The following FLT4 variants were observed in gnomAD, a reference collection of about 807,000 sequenced individuals.
FLT4 encodes fms related receptor tyrosine kinase 4.
A neutral mutation model predicts 163.2 loss-of-function variants in FLT4; 30 were observed. That is an observed-to-expected ratio of 0.18 (90% CI 0.14 to 0.25). The LOEUF is 0.25. Ranked by LOEUF, FLT4 falls within the 10% of genes least tolerant of loss-of-function variation. FLT4 has a pLI of 1.00. For missense variants in FLT4, 1,510 were observed against 1,863.8 expected (o/e 0.81, Z 3.50); for synonymous variants, 884 against 789.5 (o/e 1.12, Z -2.01).
chr5:180,619,428 C>G (rs145030325), intron 18 of FLT4, 62 bp from the exon 19 acceptor site: 85 of 1,090,614 alleles, frequency 7.8e-5, no homozygotes, highest in Non-Finnish European at 9.8e-5. Flanking sequence ...CCCCGCCACC[C>G]GGCGCTTTTG....
In FLT4 at chr5:180,612,548, C is replaced by T. The variant is rs1289572848; in HGVS notation, c.3495G>A (p.Leu1165=). ...DPKARPAFSE[L]VEILGDLLQG... Reference sequence around the variant, plus strand: ...GGAGCAGGTCCCCCAGGATCTCCACCAGCTCCGAGAATGCAGGTCTCGCCT... The same window carrying T: ...GGAGCAGGTCCCCCAGGATCTCCACTAGCTCCGAGAATGCAGGTCTCGCCT... Residue 1165 remains leucine, a synonymous_variant, in exon 26 of 30, where the codon CTG becomes CTA. Transcript: ENST00000261937. The T allele has an allele frequency of 8.7e-6, 14 of 1,614,112 alleles. No homozygotes were observed. Among genetic ancestry groups the T allele is most frequent in the Non-Finnish European group, 1.2e-5 (14 of 1,179,962 alleles).
intron 1 of FLT4, among the ~76,000 whole-genome samples, chr5:180,641,194 T>G (rs1765071905): frequency 6.6e-6 from 1 of 152,168 alleles, no homozygotes; most frequent in South Asian, 2.1e-4. Context: ...CAGCTGAGCA[T>G]GTCATCCCCA....
intron 1 of FLT4, 121 bp downstream of exon 1, chr5:180,649,367 C>G: frequency 2.9e-6 from 2 of 684,524 alleles, no homozygotes; most frequent in South Asian, 5.3e-5. Context: ...GTCCGCGCAC[C>G]AGGGCCACCG....
At chr5:180,648,546 G>C (rs927823633) in intron 1 of FLT4, among the ~76,000 whole-genome samples, 1 of 152,154 alleles carries the variant, frequency 6.6e-6, no homozygotes, top group Non-Finnish European at 1.5e-5. Flanking sequence ...TGGAACCCCT[G>C]ACCCCGCCCT....
intron 24 of FLT4, 124 bp from the exon 25 acceptor site, chr5:180,613,234 G>C: frequency 1.5e-6 from 1 of 661,982 alleles, no homozygotes; most frequent in South Asian, 1.9e-5. Flanking sequence ...CCCCATCCGT[G>C]GTGGGGTGGA....
At chr5:180,621,983 C>T in intron 12 of FLT4, 79 bp from the exon 13 acceptor site, 1 of 1,493,858 alleles carries the variant, frequency 6.7e-7, no homozygotes, top group Non-Finnish European at 8.9e-7. Context: ...GGGGTCTCCT[C>T]CTGCCTCCCT....
rs538593104 is a variant in FLT4 at position 180,612,306 on chromosome 5, A to T, written c.3537+200T>A. 3.8e-5 allele frequency: 23 copies of T among 602,992 alleles called. 2 individuals carry two copies. In the South Asian group the frequency reaches 4.4e-4, roughly 12 times the overall value. 37.4% of individuals were successfully genotyped at this position (602,992 alleles called of 1,614,324 possible). On this transcript the variant is annotated intron_variant, in intron 26 of 29. Transcript: ENST00000261937. Reference sequence around the variant, plus strand: ...ACACAGCACCTGGAGCAGGCAGTGGAGCTGTGCAGCGGGTGTGTACTCAAC... The same window carrying T: ...ACACAGCACCTGGAGCAGGCAGTGGTGCTGTGCAGCGGGTGTGTACTCAAC...
intron 1 of FLT4, among the ~76,000 whole-genome samples, chr5:180,632,644 G>A (rs900017639): frequency 4.6e-5 from 7 of 151,706 alleles, no homozygotes; most frequent in African/African-American, 7.3e-5. Flanking sequence ...GTGCACACGC[G>A]TGCCTCCATG....
At chr5:180,644,033 G>C (rs1301637453) in intron 1 of FLT4, among the ~76,000 whole-genome samples, 6 of 152,136 alleles carry the variant, frequency 3.9e-5, no homozygotes, top group African/African-American at 1.2e-4. Flanking sequence ...TGTTGGCCAG[G>C]CTCTCAAACT....
chr5:180,619,839 GA>G, intron 17 of FLT4, 70 bp from the exon 18 acceptor site: 2 of 1,186,576 alleles, frequency 1.7e-6, no homozygotes, highest in Non-Finnish European at 2.5e-6. Flanking sequence ...GGCGGCGGGG[GA>G]GCCCCGTGCA....
rs146602929 is a variant in FLT4 at position 180,621,003 on chromosome 5, G to A, written c.2172C>T (p.Val724=). 2.5e-6 allele frequency: 4 copies of A among 1,611,214 alleles called. No individual in the cohort carries two copies. Among genetic ancestry groups the A allele is most frequent in the South Asian group, 1.1e-5 (1 of 91,024 alleles). Residue 724 remains valine, a synonymous_variant, in exon 15 of 30, where the codon GTC becomes GTT. Coordinates refer to ENST00000261937, the MANE Select transcript of FLT4 (RefSeq NM_182925.5). ...GCTTCTGGTTGGAGTCCGCCAAGTC[G>A]ACTCCTGCAGGGGGTGGGGTGGAGG... ...DERLLEEKSG[V]DLADSNQKLS...
At chr5:180,610,539 G>A (rs1762097005) in intron 27 of FLT4, among the ~76,000 whole-genome samples, 1 of 152,334 alleles carries the variant, frequency 6.6e-6, no homozygotes, top group African/African-American at 2.4e-5. Context: ...TGTGAATGGG[G>A]CCAGCACAGC....
chr5:180,643,360 T>C (rs1765267597), intron 1 of FLT4, among the ~76,000 whole-genome samples: 2 of 152,128 alleles, frequency 1.3e-5, no homozygotes, highest in South Asian at 4.1e-4. Flanking sequence ...CCCCCACCTC[T>C]CCTCACCATC....
At position 180,642,013 on chromosome 5, in the gene FLT4, C is replaced by T. The variant is rs1430786887; in HGVS notation, c.58+7475G>A. Among the ~76,000 whole-genome samples, 4 of 152,096 alleles carry T rather than the reference C, an allele frequency of 2.6e-5. No homozygotes were observed. The East Asian group carries it at 7.7e-4, about 29-fold the overall frequency. On this transcript the variant is annotated intron_variant, in intron 1 of 29. Coordinates refer to ENST00000261937, the MANE Select transcript of FLT4 (RefSeq NM_182925.5). The stretch of plus-strand genomic sequence containing the variant: ...CAGGAGGTCAAGAGATTGAGACCAT[C>T]CTGGCCAACATGGTGAAACCCCATC...
At position 180,649,550 on chromosome 5, in the gene FLT4, G is replaced by T; in HGVS notation, c.-5C>A. ...CAGCGCGGCGCCCCGCTGCATCTCC[G>T]GCCGCTGCGCGTGGGTCCGACCCGA... On this transcript the variant is annotated 5_prime_UTR_variant, in exon 1 of 30. Coordinates refer to ENST00000261937, the MANE Select transcript of FLT4 (RefSeq NM_182925.5). The T allele has an allele frequency of 7.0e-7, 1 of 1,431,160 alleles. No individual in the cohort carries two copies. The highest frequency in any genetic ancestry group is 9.2e-7 in the Non-Finnish European group (1 of 1,090,958). 88.7% of individuals were successfully genotyped at this position (1,431,160 alleles called of 1,614,324 possible). A position where few individuals can be genotyped will look rare whatever the true frequency, so the allele number is the denominator to read the frequency against.
intron 26 of FLT4, 167 bp downstream of exon 26, chr5:180,612,339 T>C (rs1762276166): frequency 4.6e-6 from 3 of 653,028 alleles, no homozygotes; most frequent in Non-Finnish European, 8.3e-6. Context: ...AACAGAAAGA[T>C]GCAAGGGTGT....
chr5:180,614,766 GTT>G (rs1342596497), intron 23 of FLT4, among the ~76,000 whole-genome samples: 1 of 152,134 alleles, frequency 6.6e-6, no homozygotes, highest in Non-Finnish European at 1.5e-5. Flanking sequence ...CATAAGGGAG[GTT>G]TTTGTAACTG....
Position 180,618,900 on chromosome 5 carries a change from G to A in FLT4, c.2871C>T (p.Arg957=). ...GCTCCACCATGGCGCGGAAGCGTCCGCGCTGCTCGGGAGACTTCTCCTGCG... is the reference window on the plus strand; with the variant it reads ...GCTCCACCATGGCGCGGAAGCGTCCACGCTGCTCGGGAGACTTCTCCTGCG... The part of the protein sequence containing the change: ...SPCAEKSPEQ[R]GRFRAMVELA... Residue 957 remains arginine (R), a synonymous_variant, in exon 21 of 30, where the codon CGC becomes CGT. Coordinates refer to ENST00000261937, the MANE Select transcript of FLT4 (RefSeq NM_182925.5). 2.5e-6 allele frequency: 4 copies of A among 1,586,362 alleles called. No individual in the cohort carries two copies. Among genetic ancestry groups the A allele is most frequent in the East Asian group, 2.3e-5 (1 of 43,648 alleles).
Position 180,619,234 on chromosome 5 carries a change from C to A in FLT4, c.2761+19G>T. On this transcript the variant is annotated intron_variant, in intron 19 of 29. Coordinates refer to ENST00000261937, the MANE Select transcript of FLT4 (RefSeq NM_182925.5). ...CGCGCCCGGGGTCTCGCCGTCCCAG[C>A]GGGCCGCCCGCTCCGTACCCTGCGG... 6.4e-7 allele frequency: 1 copy of A among 1,570,006 alleles called. No individual in the cohort carries two copies. The highest frequency in any genetic ancestry group is 8.6e-7 in the Non-Finnish European group (1 of 1,158,178).
Sources: allele counts gnomAD v4.1 joint callset (sites outside exome capture counted in the v4.1 genomes callset), GRCh38; gene constraint gnomAD v4.1.1; transcripts MANE v1.5; gene names NCBI Gene and HGNC (gene_info 2026-07-23, HGNC 2026-07-21).